Variants in NR5A1 observed in about 807,000 individuals in gnomAD.
NR5A1 encodes nuclear receptor subfamily 5 group A member 1.
In NR5A1, 6 loss-of-function variants were observed where a neutral mutation model predicts 42.7. That is an observed-to-expected ratio of 0.14 (90% CI 0.08 to 0.28). NR5A1 has a LOEUF of 0.28. Among genes scored for constraint, NR5A1 ranks in the 10% least tolerant of loss-of-function variants. The pLI is 1.00. For missense variants in NR5A1, 442 were observed against 626.4 expected (o/e 0.71, Z 3.14); for synonymous variants, 274 against 277.5 (o/e 0.99, Z 0.12).
At chr9:124,493,277 T>C (rs1280967537) in intron 4 of NR5A1, 128 bp from the exon 5 acceptor site, 2 of 1,246,386 alleles carry the variant, frequency 1.6e-6, no homozygotes, top group Non-Finnish European at 2.2e-6. Context: ...TCTGTGCCCA[T>C]CTACCCAGAT....
intron 5 of NR5A1, among the ~76,000 whole-genome samples, chr9:124,491,963 T>A (rs1254644970): frequency 6.6e-6 from 1 of 151,344 alleles, no homozygotes; most frequent in Admixed American, 6.6e-5. Context: ...ACACCCACAC[T>A]TCATGCAGAC....
chr9:124,485,259 C>T (rs1832190343), intron 6 of NR5A1, among the ~76,000 whole-genome samples: 1 of 152,136 alleles, frequency 6.6e-6, no homozygotes, highest in African/African-American at 2.4e-5. Flanking sequence ...ATGGGGTGAC[C>T]AGTGGCTCAG....
chr9:124,487,422 G>A (rs1280031469), intron 6 of NR5A1, among the ~76,000 whole-genome samples: 1 of 152,236 alleles, frequency 6.6e-6, no homozygotes, highest in Non-Finnish European at 1.5e-5. Context: ...TCGAATGTTA[G>A]GTCAATCCAT....
intron 6 of NR5A1, 66 bp downstream of exon 6, chr9:124,491,015 T>TCTGGC: frequency 2.7e-5 from 17 of 634,816 alleles, no homozygotes; most frequent in Non-Finnish European, 4.4e-5. Context: ...CTCTCCAGCC[T>TCTGGC]CACCCACCCT....
rs1008534919 is a variant in NR5A1 at position 124,481,793 on chromosome 9, C to T, written c.*965G>A. 6.6e-6 allele frequency: 1 copy of T among 152,210 alleles called. No homozygotes were observed. The highest frequency in any genetic ancestry group is 2.4e-5 in the African/African-American group (1 of 41,434). The allele number at this position is 152,210 out of a possible 1,614,324, so 9.4% of individuals were successfully genotyped here. A position where few individuals can be genotyped will look rare whatever the true frequency, so the allele number is the denominator to read the frequency against. On this transcript the variant is annotated 3_prime_UTR_variant, in exon 7 of 7. Coordinates refer to ENST00000373588, the MANE Select transcript of NR5A1 (RefSeq NM_004959.5). ...GCTTCTCTGGATTGGGGCTGGGGCT[C>T]AGAAGTAATGACCCAGCACCACCCC...
At chr9:124,494,446 A>T (rs577399357) in intron 4 of NR5A1, among the ~76,000 whole-genome samples, 1 of 152,146 alleles carries the variant, frequency 6.6e-6, no homozygotes, top group Admixed American at 6.5e-5. Context: ...CCTCTACCTG[A>T]TCCCTCTCCT....
chr9:124,505,208 T>C (rs1009057309), intron 1 of NR5A1, among the ~76,000 whole-genome samples: 1 of 152,186 alleles, frequency 6.6e-6, no homozygotes, highest in Non-Finnish European at 1.5e-5. Flanking sequence ...CCCCGCGATC[T>C]GGGCAGGTAT....
chr9:124,488,875 A>G (rs920250944), intron 6 of NR5A1, among the ~76,000 whole-genome samples: 1 of 152,232 alleles, frequency 6.6e-6, no homozygotes, highest in Non-Finnish European at 1.5e-5. Context: ...ACGAGTGCGC[A>G]CGCACGCACC....
chr9:124,483,398 C>T (rs910675588), intron 6 of NR5A1, among the ~76,000 whole-genome samples: 1 of 152,210 alleles, frequency 6.6e-6, no homozygotes, highest in African/African-American at 2.4e-5. Flanking sequence ...GTTATTGAAC[C>T]TCTCGGTCCC....
Position 124,488,142 on chromosome 9 carries a change from G to GTT in NR5A1, c.1138+2937_1138+2938dup, listed in dbSNP as rs35319224. On this transcript the variant is annotated intron_variant, in intron 6 of 6. Transcript: ENST00000373588. Reference sequence around the variant, plus strand: ...GTCTGGAAAGCTATTAGTGCTGCTTGTTTTTTTTTCACCCAGAATGCTCCT... The same window carrying GTT: ...GTCTGGAAAGCTATTAGTGCTGCTTGTTTTTTTTTTTCACCCAGAATGCTCCT... 4.0e-3 allele frequency among the ~76,000 whole-genome samples: 577 copies of GTT among 145,540 alleles called. 4 individuals carry two copies. Among genetic ancestry groups the GTT allele is most frequent in the Non-Finnish European group, 6.2e-3 (412 of 66,960 alleles).
intron 4 of NR5A1, among the ~76,000 whole-genome samples, chr9:124,495,959 A>G (rs1044311958): frequency 2.0e-5 from 3 of 152,224 alleles, no homozygotes; most frequent in Admixed American, 1.3e-4. Context: ...TGTTTTGTGA[A>G]GCAGGAAATG....
At chr9:124,483,513 G>A (rs1193016524) in intron 6 of NR5A1, among the ~76,000 whole-genome samples, 6 of 152,324 alleles carry the variant, frequency 3.9e-5, no homozygotes, top group East Asian at 1.9e-4. Flanking sequence ...TGTCTGGCAC[G>A]TGAGAAGCTC....
intron 1 of NR5A1, among the ~76,000 whole-genome samples, chr9:124,504,043 A>AGAGAGAC (rs1832510533): frequency 1.5e-5 from 2 of 132,050 alleles, no homozygotes; most frequent in Non-Finnish European, 3.0e-5. Context: ...AGAGAGAGAG[A>AGAGAGAC]GAGAGAGACG....
intron 5 of NR5A1, among the ~76,000 whole-genome samples, chr9:124,491,892 A>ACG (rs200956684): frequency 0.012 from 1,827 of 149,914 alleles, 40 homozygotes; most frequent in African/African-American, 0.042. Context: ...ACAGGCAGGC[A>ACG]CACACACACA....
chr9:124,500,429 G>A lies in NR5A1; in HGVS notation c.531C>T (p.His177=), dbSNP rs369758237. 16 of 1,573,160 alleles carry A rather than the reference G, an allele frequency of 1.0e-5. No homozygotes were observed. Among genetic ancestry groups the A allele is most frequent in the South Asian group, 2.3e-5 (2 of 86,878 alleles). ...PALPMAVPGA[H]GPLAGYLYPA... is the part of the protein sequence containing the mutation. Reference sequence around the variant, plus strand: ...GGTAGAGGTAGCCAGCCAGTGGCCCGTGGGCACCGGGCACGGCCATGGGCA... The same window carrying A: ...GGTAGAGGTAGCCAGCCAGTGGCCCATGGGCACCGGGCACGGCCATGGGCA... The change falls in exon 4 of 7, where the codon CAC becomes CAT. Residue 177 remains histidine (H), a synonymous_variant. Coordinates refer to ENST00000373588, the MANE Select transcript of NR5A1 (RefSeq NM_004959.5). This position sits in a 1 kb window ranked among gnomAD's most constrained non-coding sequence, Gnocchi z 6.9.
At chr9:124,504,963 CCGCCACCCCGCCCTG>C (rs1191745545) in intron 1 of NR5A1, among the ~76,000 whole-genome samples, 1 of 150,674 alleles carries the variant, frequency 6.6e-6, no homozygotes, top group Non-Finnish European at 1.5e-5. Context: ...GGCCCCTCAG[CCGCCACCCCGCCCTG>C]CGCCAACCCG....
intron 1 of NR5A1, among the ~76,000 whole-genome samples, chr9:124,505,106 G>GGCCCTCATCCTCATC (rs2131292471): frequency 6.6e-6 from 1 of 152,120 alleles, no homozygotes; most frequent in East Asian, 1.9e-4. Flanking sequence ...CCGCAGTCCA[G>GGCCCTCATCCTCATC]CTCGAGTCTT....
In NR5A1 at chr9:124,501,404, C is replaced by T. The variant is rs1407550556; in HGVS notation, c.245-689G>A. On this transcript the variant is annotated intron_variant, in intron 3 of 6. Transcript: ENST00000373588. This position sits in a 1 kb window ranked among gnomAD's most constrained non-coding sequence, Gnocchi z 4.1. ...CAAGGCTCTATGCTGGGGGAGGGGA[C>T]CTCTCTTGCCGACTAGAAGCTCCTC... 6.6e-6 allele frequency among the ~76,000 whole-genome samples: 1 copy of T among 152,220 alleles called. No homozygotes were observed. Among genetic ancestry groups the T allele is most frequent in the African/African-American group, 2.4e-5 (1 of 41,440 alleles).
At chr9:124,506,659 T>G (rs948556704) in intron 1 of NR5A1, among the ~76,000 whole-genome samples, 3 of 152,088 alleles carry the variant, frequency 2.0e-5, no homozygotes, top group Non-Finnish European at 4.4e-5. Context: ...CCCCAAGGGT[T>G]TCTACTCTCA....
Sources: gnomAD v4.1 joint callset for allele counts (sites outside exome capture counted in the v4.1 genomes callset) on GRCh38, gnomAD v4.1.1 for gene constraint, Gnocchi (gnomAD v3.1) non-coding constraint, MANE v1.5 for transcripts, NCBI Gene and HGNC (gene_info 2026-07-23, HGNC 2026-07-21) for gene names.